MARCHF6: variants seen among roughly 807,000 people sequenced by gnomAD.
MARCHF6 encodes E3 ubiquitin-protein ligase MARCHF6.
A neutral mutation model predicts 133.7 loss-of-function variants in MARCHF6; 31 were observed. That is an observed-to-expected ratio of 0.23 (90% CI 0.17 to 0.31). MARCHF6 has a LOEUF of 0.31. Among genes scored for constraint, MARCHF6 ranks in the 10% least tolerant of loss-of-function variants. The probability of loss-of-function intolerance (pLI) is 1.00; values close to 1 mark genes in which losing one functional copy is unlikely to be tolerated. For missense variants in MARCHF6, 723 were observed against 1,121.6 expected, an observed-to-expected ratio of 0.64 and a Z score of 5.08; for synonymous variants, 395 against 402.5, an observed-to-expected ratio of 0.98 and a Z score of 0.22.
At chr5:10,417,979 G>C (rs946610387) in intron 22 of MARCHF6, among the ~76,000 whole-genome samples, 2 of 151,964 alleles carry the variant, frequency 1.3e-5, no homozygotes, top group African/African-American at 4.8e-5. Flanking sequence ...ATTGATTTTT[G>C]TTCACCTTTG....
intron 22 of MARCHF6, among the ~76,000 whole-genome samples, chr5:10,418,955 C>T (rs954296122): frequency 1.3e-5 from 2 of 152,086 alleles, no homozygotes; most frequent in Non-Finnish European, 2.9e-5. Context: ...AGTATCTAAG[C>T]CAACCTAACT....
intron 4 of MARCHF6, among the ~76,000 whole-genome samples, chr5:10,384,395 G>A (rs960547757): frequency 6.6e-6 from 1 of 152,042 alleles, no homozygotes; most frequent in African/African-American, 2.4e-5. Context: ...CAAAGGACTT[G>A]TATCTAGAGT....
At chr5:10,356,802 A>G (rs1449984224) in intron 1 of MARCHF6, among the ~76,000 whole-genome samples, 5 of 152,232 alleles carry the variant, frequency 3.3e-5, no homozygotes, top group Non-Finnish European at 7.3e-5. Flanking sequence ...CCTTTTAAAA[A>G]TAGCACATTG....
intron 10 of MARCHF6, 128 bp from the exon 11 acceptor site, chr5:10,400,656 A>G: frequency 2.8e-6 from 2 of 713,090 alleles, no homozygotes; most frequent in South Asian, 1.6e-5. Context: ...TAGGCAGTGT[A>G]TTTTTAGCCT....
intron 1 of MARCHF6, among the ~76,000 whole-genome samples, chr5:10,376,997 T>C (rs956756173): frequency 1.3e-5 from 2 of 152,150 alleles, no homozygotes; most frequent in Non-Finnish European, 2.9e-5. Context: ...ATAAAAGTTA[T>C]AACCAGGGTT....
intron 5 of MARCHF6, among the ~76,000 whole-genome samples, 193 bp from the exon 6 acceptor site, chr5:10,390,139 T>C (rs1189205135): frequency 1.3e-5 from 2 of 152,004 alleles, no homozygotes; most frequent in Admixed American, 1.3e-4. Flanking sequence ...TAGGTTCTCT[T>C]GCAAGTAGAA....
chr5:10,391,304 T>G (rs1737814246), intron 6 of MARCHF6, among the ~76,000 whole-genome samples: 1 of 152,034 alleles, frequency 6.6e-6, no homozygotes, highest in African/African-American at 2.4e-5. Flanking sequence ...TGGCTAACTT[T>G]TTAATTTAAG....
At chr5:10,432,659 A>G (rs886172478) in intron 25 of MARCHF6, among the ~76,000 whole-genome samples, 20 of 152,150 alleles carry the variant, frequency 1.3e-4, no homozygotes, top group African/African-American at 4.3e-4. Context: ...CACTCCAACT[A>G]CAGTAACATC....
intron 1 of MARCHF6, among the ~76,000 whole-genome samples, chr5:10,376,036 C>T (rs949336723): frequency 6.6e-5 from 10 of 152,156 alleles, no homozygotes; most frequent in African/African-American, 1.9e-4. Context: ...ACAGGCCACT[C>T]GGCTCTACCA....
At chr5:10,394,016 T>C in intron 7 of MARCHF6, 66 bp from the exon 8 acceptor site, 2 of 963,758 alleles carry the variant, frequency 2.1e-6, no homozygotes, top group South Asian at 4.2e-5. Context: ...TTTTAGTGCA[T>C]TCTATTTTTT....
chr5:10,390,573 A>T (rs1737765080), intron 6 of MARCHF6, 73 bp downstream of exon 6: 2 of 1,354,666 alleles, frequency 1.5e-6, no homozygotes, highest in Admixed American at 4.7e-5. Flanking sequence ...TGAGACTCAA[A>T]CTCTTGACTT....
chr5:10,423,980 C>T (rs1320600195), intron 23 of MARCHF6, 156 bp downstream of exon 23: 2 of 490,212 alleles, frequency 4.1e-6, no homozygotes, highest in Non-Finnish European at 7.1e-6. Context: ...TTAAAGACAG[C>T]AGTTTAGTTT....
intron 10 of MARCHF6, among the ~76,000 whole-genome samples, chr5:10,398,602 A>G (rs1320963082): frequency 6.6e-6 from 1 of 150,776 alleles, no homozygotes; most frequent in Non-Finnish European, 1.5e-5. Flanking sequence ...TTTTTTTGAG[A>G]GAAAAAATGA....
At chr5:10,365,543 G>A (rs1437805814) in intron 1 of MARCHF6, among the ~76,000 whole-genome samples, 1 of 151,798 alleles carries the variant, frequency 6.6e-6, no homozygotes. Context: ...CAGGTGATCC[G>A]CCCACCTCAG....
At chr5:10,395,528 G>A (rs909781260) in intron 9 of MARCHF6, among the ~76,000 whole-genome samples, 3 of 152,174 alleles carry the variant, frequency 2.0e-5, no homozygotes, top group Non-Finnish European at 4.4e-5. Flanking sequence ...AAGGTGAGGA[G>A]CAATTCTTTA....
chr5:10,422,986 G>A (rs929854106), intron 22 of MARCHF6, among the ~76,000 whole-genome samples: 1 of 151,084 alleles, frequency 6.6e-6, no homozygotes, highest in Non-Finnish European at 1.5e-5. Context: ...CAGTCTAAAT[G>A]TTACATGTGG....
chr5:10,392,872 T>G (rs1737954545), intron 7 of MARCHF6, among the ~76,000 whole-genome samples: 1 of 152,206 alleles, frequency 6.6e-6, no homozygotes, highest in Non-Finnish European at 1.5e-5. Flanking sequence ...TAGTTCTACT[T>G]GGCAGCCTGA....
At chr5:10,365,933 T>C (rs554545914) in intron 1 of MARCHF6, among the ~76,000 whole-genome samples, 2 of 152,226 alleles carry the variant, frequency 1.3e-5, no homozygotes, top group East Asian at 3.9e-4. Flanking sequence ...AATAGTTATA[T>C]ATACATATAT....
intron 10 of MARCHF6, among the ~76,000 whole-genome samples, chr5:10,398,839 T>C (rs958016629): frequency 6.6e-6 from 1 of 152,260 alleles, no homozygotes; most frequent in Non-Finnish European, 1.5e-5. Flanking sequence ...TGGAATCTTT[T>C]GAAATGAAAC....
Sources: allele counts gnomAD v4.1 joint callset (sites outside exome capture counted in the v4.1 genomes callset), GRCh38; gene constraint gnomAD v4.1.1; transcripts MANE v1.5; gene names NCBI Gene and HGNC (gene_info 2026-07-23, HGNC 2026-07-21).